The following DUS2 variants were observed in gnomAD, a reference collection of about 807,000 sequenced individuals.
The protein encoded by DUS2 is tRNA-dihydrouridine(20) synthase [NAD(P)+]-like.
DUS2 carries 52 observed loss-of-function variants against 71.3 expected under a neutral mutation model. The ratio of observed to expected loss-of-function variants is 0.73; its 90% CI spans 0.58 to 0.92. DUS2 has a LOEUF of 0.92. Ranked by LOEUF, DUS2 falls within the 40% of genes least tolerant of loss-of-function variation. The pLI is 0.00. For missense variants in DUS2, 558 were observed against 622.6 expected (o/e 0.90, Z 1.10); for synonymous variants, 204 against 227.8 (o/e 0.90, Z 0.94).
intron 2 of DUS2, among the ~76,000 whole-genome samples, chr16:68,027,393 C>T (rs1185267476): frequency 3.9e-5 from 6 of 152,198 alleles, no homozygotes; most frequent in Admixed American, 3.9e-4. Context: ...CATGCGCCAC[C>T]ACACCCGGCT....
intron 8 of DUS2, among the ~76,000 whole-genome samples, chr16:68,065,821 C>T (rs771569491): frequency 2.0e-5 from 3 of 150,148 alleles, no homozygotes; most frequent in South Asian, 2.1e-4. Flanking sequence ...TTTTTTTAGC[C>T]GTGTGTTCTT....
At chr16:68,058,114 C>G (rs966425152) in intron 7 of DUS2, among the ~76,000 whole-genome samples, 1 of 151,686 alleles carries the variant, frequency 6.6e-6, no homozygotes, top group Non-Finnish European at 1.5e-5. Context: ...CTGAGTAGCC[C>G]GATTTGACCA....
chr16:68,025,023 G>C (rs1313126165), intron 1 of DUS2, among the ~76,000 whole-genome samples: 1 of 151,842 alleles, frequency 6.6e-6, no homozygotes, highest in Non-Finnish European at 1.5e-5. Context: ...ATAGAGACAG[G>C]GTTTCACTAC....
chr16:68,054,032 A>G (rs952822843), intron 5 of DUS2: 2 of 208,026 alleles, frequency 9.6e-6, no homozygotes, highest in Admixed American at 5.2e-5. Flanking sequence ...TTTCAAGAGT[A>G]GTTAAGATTT....
chr16:68,057,298 A>G (rs1041897945), intron 7 of DUS2, among the ~76,000 whole-genome samples: 11 of 149,416 alleles, frequency 7.4e-5, no homozygotes, highest in Non-Finnish European at 1.0e-4. Flanking sequence ...CCCAAGTAAT[A>G]AAACAATGCA....
chr16:68,045,478 G>A (rs1426768118), intron 3 of DUS2, among the ~76,000 whole-genome samples: 1 of 151,624 alleles, frequency 6.6e-6, no homozygotes, highest in Non-Finnish European at 1.5e-5. Context: ...GGGCATGGTG[G>A]TGGACGCCTG....
intron 3 of DUS2, among the ~76,000 whole-genome samples, chr16:68,043,893 GGCCTCAA>G (rs1438667638): frequency 2.6e-5 from 4 of 152,110 alleles, no homozygotes; most frequent in Non-Finnish European, 5.9e-5. Flanking sequence ...TTGAACTCCT[GGCCTCAA>G]GTGATCCTCC....
chr16:68,053,576 C>T lies in DUS2; in HGVS notation c.185C>T (p.Thr62Ile), dbSNP rs2033809920. 1.2e-6 allele frequency: 2 copies of T among 1,614,216 alleles called. No individual in the cohort carries two copies. The highest frequency in any genetic ancestry group is 1.7e-6 in the Non-Finnish European group (2 of 1,180,030). Residue 62 changes from threonine to isoleucine, a missense_variant, in exon 5 of 17, where the codon ACA (threonine) becomes ATA (isoleucine). Thr to Ile is a moderately conservative substitution (Grantham distance 89). Transcript: ENST00000565263. ...GGTTTTCTTGCAGAGGTGCTCAGCA[C>T]AGTGGACTTTGTCGCCCCTGATGAT... ...CKRVVNEVLS[T>I]VDFVAPDDRV...
chr16:68,029,400 C>G (rs927503187), intron 2 of DUS2, among the ~76,000 whole-genome samples: 4 of 152,088 alleles, frequency 2.6e-5, no homozygotes, highest in Admixed American at 2.6e-4. Context: ...GCCTCAACCT[C>G]CCAGTGTTAG....
intron 2 of DUS2, among the ~76,000 whole-genome samples, chr16:68,029,037 G>GA (rs1446081291): frequency 3.3e-5 from 5 of 152,106 alleles, no homozygotes; most frequent in African/African-American, 1.2e-4. Flanking sequence ...TATCGCTACA[G>GA]AAAAATTTAA....
chr16:68,052,796 C>A lies in DUS2; in HGVS notation c.173-768C>A, dbSNP rs576133269. Among the ~76,000 whole-genome samples, 5 of 151,846 alleles carry A rather than the reference C, an allele frequency of 3.3e-5. No individual in the cohort carries two copies. In the East Asian group the frequency reaches 9.7e-4, roughly 29 times the overall value. ...TAGCTGGTATTACAGGCACCCTCCA[C>A]CACGCCCAGCTAATTTTTGTATTTT... is the stretch of plus-strand genomic sequence containing the variant. On this transcript the variant is annotated intron_variant, in intron 4 of 16. Transcript: ENST00000565263.
At chr16:68,062,807 G>A (rs1339833872) in intron 8 of DUS2, among the ~76,000 whole-genome samples, 1 of 151,450 alleles carries the variant, frequency 6.6e-6, no homozygotes. Flanking sequence ...GACTCCTAGT[G>A]TCAGCACCCT....
chr16:68,037,662 G>A (rs953022653), intron 2 of DUS2, among the ~76,000 whole-genome samples: 6 of 151,804 alleles, frequency 4.0e-5, no homozygotes, highest in East Asian at 1.9e-4. Flanking sequence ...CAGGTGATCC[G>A]CCTGCCTCGG....
intron 2 of DUS2, among the ~76,000 whole-genome samples, chr16:68,037,167 GT>G (rs746737842): frequency 3.3e-3 from 455 of 136,220 alleles, no homozygotes; most frequent in East Asian, 9.9e-3. Context: ...ATTTTTGTCT[GT>G]TTTTTTTTTT....
At chr16:68,057,052 A>G (rs1285074249) in intron 7 of DUS2, among the ~76,000 whole-genome samples, 1 of 137,996 alleles carries the variant, frequency 7.2e-6, no homozygotes, top group Admixed American at 7.8e-5. Flanking sequence ...ATATATTTAT[A>G]TATATATGTA....
chr16:68,037,823 C>A, intron 2 of DUS2, 183 bp from the exon 3 acceptor site: 1 of 545,680 alleles, frequency 1.8e-6, no homozygotes, highest in Non-Finnish European at 3.1e-6. Flanking sequence ...CTACACTGCA[C>A]TCCAGCCTGG....
intron 4 of DUS2, among the ~76,000 whole-genome samples, chr16:68,052,975 T>C (rs569618175): frequency 1.3e-3 from 203 of 150,678 alleles, no homozygotes; most frequent in East Asian, 3.3e-3. Context: ...CATTTTTTTT[T>C]TTTTCGAGAC....
chr16:68,066,852 G>A (rs1023545847), intron 10 of DUS2, among the ~76,000 whole-genome samples: 1 of 152,100 alleles, frequency 6.6e-6, no homozygotes, highest in Non-Finnish European at 1.5e-5. Flanking sequence ...AGTGCCTATT[G>A]AGGGTAGGTA....
rs767850506 is a variant in DUS2, at chr16:68,033,940, G to A, written c.-18-4066G>A. 3.3e-5 allele frequency among the ~76,000 whole-genome samples: 5 copies of A among 151,824 alleles called. No individual in the cohort carries two copies. The East Asian group carries it at 9.7e-4, about 29-fold the overall frequency. On this transcript the variant is annotated intron_variant, in intron 2 of 16. Coordinates refer to ENST00000565263, the MANE Select transcript of DUS2 (RefSeq NM_017803.5). ...AACCACCGTGCCCAGCCCAATTTTT[G>A]CATTTTTTGTAGAGATGGGGTTTCA...
Sources: allele counts gnomAD v4.1 joint callset (sites outside exome capture counted in the v4.1 genomes callset), GRCh38; gene constraint gnomAD v4.1.1; transcripts MANE v1.5; gene names NCBI Gene and HGNC (gene_info 2026-07-23, HGNC 2026-07-21).